The following TRERF1 variants were observed in gnomAD, a reference collection of about 807,000 sequenced individuals.
TRERF1 encodes the protein transcriptional-regulating factor 1.
In TRERF1, 27 loss-of-function variants were observed where a neutral mutation model predicts 122.9. The observed-to-expected ratio is 0.22, with a 90% CI of 0.16 to 0.30. The LOEUF is 0.30. Ranked by LOEUF, TRERF1 falls within the 10% of genes least tolerant of loss-of-function variation. The pLI, the probability that TRERF1 is intolerant of heterozygous loss-of-function variation, is 1.00. For synonymous variants in TRERF1, 636 were observed against 641.7 expected, an observed-to-expected ratio of 0.99 and a Z score of 0.13; for missense variants, 1,248 against 1,560.3, an observed-to-expected ratio of 0.80 and a Z score of 3.37.
At chr6:42,270,988 C>T (rs1236153445) in intron 4 of TRERF1, among the ~76,000 whole-genome samples, 3 of 151,676 alleles carry the variant, frequency 2.0e-5, no homozygotes, top group East Asian at 3.9e-4. Context: ...AGGATGGTCT[C>T]GATCTCCTGA....
Position 42,228,725 on chromosome 6 carries a change from A to G in TRERF1, c.3279-56T>C. On this transcript the variant is annotated intron_variant, in intron 17 of 17. Transcript: ENST00000372922. This position sits in a 1 kb window ranked among gnomAD's most constrained non-coding sequence, Gnocchi z 4.2. ...TTTAGAAGGAGATCTGAGTTCTTGG[A>G]AATCCAGGTGTCCTACGGGGAATGG... 2 of 1,512,780 alleles carry G rather than the reference A, an allele frequency of 1.3e-6. No individual in the cohort carries two copies. The highest frequency in any genetic ancestry group is 1.8e-6 in the Non-Finnish European group (2 of 1,129,178). 93.7% of individuals were successfully genotyped at this position (1,512,780 alleles called of 1,614,324 possible).
In TRERF1 at chr6:42,343,237, A is replaced by G. The variant is rs569143258; in HGVS notation, c.-371+19760T>C. On this transcript the variant is annotated intron_variant, in intron 3 of 17. Transcript: ENST00000372922. ...ATTATAGACTGCCAATTTCCCAGTT[A>G]CAAACAACTCGCTCTAAAGGTTTGC... 2.6e-4 allele frequency among the ~76,000 whole-genome samples: 39 copies of G among 152,362 alleles called. 1 individual carries two copies. The South Asian group carries it at 7.7e-3, about 30-fold the overall frequency.
chr6:42,431,009 G>A (rs1190689024), intron 2 of TRERF1, among the ~76,000 whole-genome samples: 3 of 144,022 alleles, frequency 2.1e-5, no homozygotes, highest in Admixed American at 7.0e-5. Flanking sequence ...GCTATGAGCT[G>A]AGATTGTGCC....
chr6:42,407,904 CTCTG>C (rs1252370225), intron 2 of TRERF1, among the ~76,000 whole-genome samples: 5 of 151,396 alleles, frequency 3.3e-5, no homozygotes, highest in African/African-American at 4.9e-5. Context: ...CTTAACTTTG[CTCTG>C]TCTATCTCGT....
At chr6:42,244,503 T>G (rs963479756) in intron 14 of TRERF1, among the ~76,000 whole-genome samples, 2 of 152,212 alleles carry the variant, frequency 1.3e-5, no homozygotes, top group African/African-American at 4.8e-5. Context: ...TTCTAATGCA[T>G]GTACCAGCAC....
At chr6:42,351,181 T>C (rs1769378328) in intron 3 of TRERF1, among the ~76,000 whole-genome samples, 2 of 152,226 alleles carry the variant, frequency 1.3e-5, no homozygotes, top group African/African-American at 4.8e-5. Context: ...AATCCTCAGA[T>C]GCTACTGATG....
intron 3 of TRERF1, among the ~76,000 whole-genome samples, chr6:42,309,974 G>A (rs1415833632): frequency 6.6e-6 from 1 of 152,052 alleles, no homozygotes; most frequent in Non-Finnish European, 1.5e-5. Flanking sequence ...ATGTTGCCCA[G>A]GCTAGTCTCC....
chr6:42,262,480 A>C, intron 8 of TRERF1, among the ~76,000 whole-genome samples: 1 of 5,132 alleles, frequency 1.9e-4, no homozygotes, highest in Non-Finnish European at 4.5e-4. Context: ...AGAGAGAGAG[A>C]GAGAGAGAGA....
intron 3 of TRERF1, among the ~76,000 whole-genome samples, chr6:42,302,878 G>A (rs370796552): frequency 1.3e-5 from 2 of 152,204 alleles, no homozygotes; most frequent in Admixed American, 6.5e-5. Context: ...CTGCAGAGGC[G>A]TGAGCTCTTG....
At chr6:42,368,204 A>G (rs1484981522) in intron 2 of TRERF1, among the ~76,000 whole-genome samples, 1 of 152,094 alleles carries the variant, frequency 6.6e-6, no homozygotes, top group African/African-American at 2.4e-5. Context: ...TCGGTAGATT[A>G]ATACACAACA....
At chr6:42,382,787 G>A (rs1010102147) in intron 2 of TRERF1, among the ~76,000 whole-genome samples, 2 of 152,114 alleles carry the variant, frequency 1.3e-5, no homozygotes, top group Non-Finnish European at 2.9e-5. Flanking sequence ...AAAATAGGAA[G>A]CTTTCCTCTG....
At chr6:42,397,464 C>T (rs1232240866) in intron 2 of TRERF1, among the ~76,000 whole-genome samples, 1 of 152,162 alleles carries the variant, frequency 6.6e-6, no homozygotes, top group African/African-American at 2.4e-5. Context: ...ACTCACCCTA[C>T]TCCCTGAATG....
intron 2 of TRERF1, among the ~76,000 whole-genome samples, chr6:42,427,554 CTT>C (rs11313717): frequency 1.7e-4 from 24 of 142,964 alleles, no homozygotes; most frequent in South Asian, 2.2e-4. Context: ...CCCTGCCTTA[CTT>C]TTTTTTTTTT....
chr6:42,262,530 A>G (rs1420096493), intron 8 of TRERF1, among the ~76,000 whole-genome samples: 1 of 54,956 alleles, frequency 1.8e-5, no homozygotes, highest in Non-Finnish European at 4.0e-5. Context: ...AGAGAGAGAG[A>G]GAGAGAGAGA....
rs1773703538 is a variant in TRERF1, at chr6:42,371,203, T to C, written c.-453-8124A>G. On this transcript the variant is annotated intron_variant, in intron 2 of 17. Coordinates refer to ENST00000372922, the Ensembl canonical transcript of TRERF1. Reference sequence around the variant, plus strand: ...AGGGTAGGTGATGTGTTCAGGGAAGTAAAAGGCATTCAGGATAACTGGAGT... The same window carrying C: ...AGGGTAGGTGATGTGTTCAGGGAAGCAAAAGGCATTCAGGATAACTGGAGT... Among the ~76,000 whole-genome samples, 3 of 152,184 alleles carry C rather than the reference T, an allele frequency of 2.0e-5. 1 individual carries two copies. Among genetic ancestry groups the C allele is most frequent in the African/African-American group, 7.2e-5 (3 of 41,512 alleles).
intron 2 of TRERF1, among the ~76,000 whole-genome samples, chr6:42,429,446 C>T (rs943426864): frequency 1.3e-5 from 2 of 152,236 alleles, no homozygotes; most frequent in African/African-American, 2.4e-5. Flanking sequence ...GAAGCACCCC[C>T]TGCTACCGCC....
At chr6:42,439,482 A>G (rs13195246) in intron 2 of TRERF1, among the ~76,000 whole-genome samples, 22,049 of 152,034 alleles carry the variant, frequency 0.15, 1,693 homozygotes, top group East Asian at 0.29. Context: ...TACTCAGGAG[A>G]CTGAGGCAGG....
chr6:42,444,178 CTTT>C (rs201969394), intron 2 of TRERF1, among the ~76,000 whole-genome samples: 15 of 133,858 alleles, frequency 1.1e-4, no homozygotes, highest in African/African-American at 4.2e-4. Flanking sequence ...GCAGCCTTTG[CTTT>C]TTTTTTTTTT....
At chr6:42,372,435 C>T (rs542294015) in intron 2 of TRERF1, among the ~76,000 whole-genome samples, 145 of 152,264 alleles carry the variant, frequency 9.5e-4, no homozygotes, top group African/African-American at 3.3e-3. Context: ...CTCAGAGTGG[C>T]AATGGCTTCC....
Sources: gnomAD v4.1 joint callset for allele counts (sites outside exome capture counted in the v4.1 genomes callset) on GRCh38, gnomAD v4.1.1 for gene constraint, Gnocchi (gnomAD v3.1) non-coding constraint, MANE v1.5 for transcripts, NCBI Gene and HGNC (gene_info 2026-07-23, HGNC 2026-07-21) for gene names.